RBFOX1: variants seen among roughly 807,000 people sequenced by gnomAD.
RBFOX1 encodes RNA binding fox-1 homolog 1, also known as RNA binding protein fox-1 homolog 1.
RBFOX1 carries 8 observed loss-of-function variants against 57.7 expected under a neutral mutation model. The observed-to-expected ratio is 0.14, with a 90% CI of 0.08 to 0.25. The LOEUF is 0.25. RBFOX1 is among the 10% of genes least tolerant of loss of function. The pLI, the probability that RBFOX1 is intolerant of heterozygous loss-of-function variation, is 1.00. For synonymous variants in RBFOX1, 326 were observed against 222.4 expected (o/e 1.47, Z -4.15); for missense variants, 611 against 548.5 (o/e 1.11, Z -1.14).
intron 4 of RBFOX1, among the ~76,000 whole-genome samples, chr16:7,313,187 G>C (rs932521414): frequency 1.3e-5 from 2 of 152,166 alleles, no homozygotes; most frequent in Non-Finnish European, 2.9e-5. Context: ...TCTATCTATT[G>C]TCTCTGCTTA....
At chr16:5,306,496 T>C (rs2063937796) in intron 1 of RBFOX1, among the ~76,000 whole-genome samples, 1 of 152,084 alleles carries the variant, frequency 6.6e-6, no homozygotes, top group Admixed American at 6.5e-5. Context: ...ATTTTTGTAT[T>C]TTTAGTAGAG....
chr16:6,052,423 C>T (rs528712159), intron 1 of RBFOX1, among the ~76,000 whole-genome samples: 116 of 152,258 alleles, frequency 7.6e-4, no homozygotes, highest in African/African-American at 2.6e-3. Flanking sequence ...ATTTCTTTAA[C>T]GCACAGTTTG....
At chr16:6,326,765 C>G (rs1294282677) in intron 2 of RBFOX1, among the ~76,000 whole-genome samples, 2 of 145,666 alleles carry the variant, frequency 1.4e-5, no homozygotes, top group South Asian at 2.5e-4. Flanking sequence ...AGCAGATTGA[C>G]TAGTGATCGG....
At chr16:5,574,898 G>A (rs569866048) in intron 2 of RBFOX1, among the ~76,000 whole-genome samples, 67 of 152,266 alleles carry the variant, frequency 4.4e-4, no homozygotes, top group African/African-American at 1.3e-3. Flanking sequence ...GATGGTGGCC[G>A]CCCAGACACT....
chr16:5,884,441 C>T lies in RBFOX1; in HGVS notation c.351+17106C>T, dbSNP rs1003082257. On this transcript the variant is annotated intron_variant, in intron 4 of 19. Transcript: ENST00000641259. ...GTCCACCAAAATCCATCTGTTCCAC[C>T]GCCCCGCCCCCCGCTCCCCACCACC... Among the ~76,000 whole-genome samples the T allele has an allele frequency of 3.6e-4, 53 of 149,038 alleles. No homozygotes were observed. In the East Asian group the frequency reaches 6.7e-3, roughly 19 times the overall value.
At chr16:5,426,127 T>A (rs1229817313) in intron 1 of RBFOX1, among the ~76,000 whole-genome samples, 3 of 152,112 alleles carry the variant, frequency 2.0e-5, no homozygotes, top group African/African-American at 7.2e-5. Flanking sequence ...GATGCTGTTT[T>A]CCCTAAAGTG....
At chr16:6,973,081 A>C (rs937532106) in intron 3 of RBFOX1, among the ~76,000 whole-genome samples, 2 of 152,004 alleles carry the variant, frequency 1.3e-5, no homozygotes, top group South Asian at 4.2e-4. Context: ...CAGTGAGCTG[A>C]GATTGCACTA....
intron 12 of RBFOX1, among the ~76,000 whole-genome samples, chr16:7,657,528 CT>C (rs1283835213): frequency 6.6e-6 from 1 of 152,234 alleles, no homozygotes; most frequent in African/African-American, 2.4e-5. Context: ...TGGTCTTGAA[CT>C]CCTGACCTCA....
intron 3 of RBFOX1, among the ~76,000 whole-genome samples, chr16:6,934,508 A>G (rs564917733): frequency 6.6e-6 from 1 of 152,274 alleles, no homozygotes; most frequent in South Asian, 2.1e-4. Flanking sequence ...GACAAAGAAC[A>G]TGTGGTATAT....
intron 2 of RBFOX1, among the ~76,000 whole-genome samples, chr16:6,427,359 T>A (rs1014975992): frequency 6.6e-6 from 1 of 152,180 alleles, no homozygotes; most frequent in African/African-American, 2.4e-5. Context: ...CCCCAGTCTA[T>A]AGGAAACGGT....
intron 13 of RBFOX1, among the ~76,000 whole-genome samples, chr16:7,666,911 G>T (rs1368117073): frequency 6.6e-6 from 1 of 152,168 alleles, no homozygotes; most frequent in African/African-American, 2.4e-5. Flanking sequence ...GGAAGCATCA[G>T]GGTGAGCTTC....
intron 2 of RBFOX1, among the ~76,000 whole-genome samples, chr16:5,550,246 G>C (rs534594547): frequency 2.0e-5 from 3 of 152,282 alleles, no homozygotes; most frequent in African/African-American, 7.2e-5. Flanking sequence ...TGAACTGTAG[G>C]ATCTCAAGAG....
chr16:6,057,492 C>T (rs1372509112), intron 1 of RBFOX1, among the ~76,000 whole-genome samples: 1 of 152,060 alleles, frequency 6.6e-6, no homozygotes, highest in Non-Finnish European at 1.5e-5. Flanking sequence ...AAGTGACAGG[C>T]CTGGGTTAGG....
intron 2 of RBFOX1, among the ~76,000 whole-genome samples, chr16:6,559,723 GTCTATATA>G (rs1452267299): frequency 6.6e-6 from 1 of 151,996 alleles, no homozygotes; most frequent in African/African-American, 2.4e-5. Context: ...ATCTGTGTGT[GTCTATATA>G]TCTATATCTC....
intron 4 of RBFOX1, chr16:7,304,629 C>G (rs2142167358): frequency 2.1e-6 from 2 of 971,218 alleles, no homozygotes; most frequent in South Asian, 4.8e-5. Flanking sequence ...GGATGGAAGC[C>G]TCCTGCTCTC....
At chr16:7,274,241 G>A (rs1427594537) in intron 4 of RBFOX1, among the ~76,000 whole-genome samples, 2 of 152,146 alleles carry the variant, frequency 1.3e-5, no homozygotes, top group East Asian at 1.9e-4. Context: ...ACTATGTTCC[G>A]AGTAATGTTA....
chr16:6,619,510 T>C (rs1207777616), intron 2 of RBFOX1, among the ~76,000 whole-genome samples: 1 of 152,066 alleles, frequency 6.6e-6, no homozygotes, highest in Non-Finnish European at 1.5e-5. Flanking sequence ...CCTTTCTGCT[T>C]AGTTAGGAGA....
intron 3 of RBFOX1, chr16:5,838,132 T>G (rs79127983): frequency 6.5e-6 from 1 of 154,268 alleles, no homozygotes; most frequent in Non-Finnish European, 1.5e-5. Flanking sequence ...ATATTACATA[T>G]TGAAAGAATA....
Position 7,210,036 on chromosome 16 carries a change from G to A in RBFOX1, c.27+157938G>A, listed in dbSNP as rs146207271. On this transcript the variant is annotated intron_variant, in intron 4 of 15. Transcript: ENST00000550418. ...CATTCTCCAGTGAAAACCAGGGATA[G>A]CGACGCTCAGTGCAGATTTCCCAAA... 1.2e-3 allele frequency among the ~76,000 whole-genome samples: 182 copies of A among 152,322 alleles called. 1 individual carries two copies. Among genetic ancestry groups the A allele is most frequent in the African/African-American group, 4.2e-3 (173 of 41,566 alleles).
Sources: allele counts gnomAD v4.1 joint callset (sites outside exome capture counted in the v4.1 genomes callset), GRCh38; gene constraint gnomAD v4.1.1; transcripts MANE v1.5; gene names NCBI Gene and HGNC (gene_info 2026-07-23, HGNC 2026-07-21).